The following CCDC91 variants were observed in gnomAD, a reference collection of about 807,000 sequenced individuals.
CCDC91 encodes coiled-coil domain-containing protein 91.
In CCDC91, 48 loss-of-function variants were observed where a neutral mutation model predicts 63.2. The ratio of observed to expected loss-of-function variants is 0.76; its 90% confidence interval spans 0.60 to 0.97. CCDC91 has a LOEUF of 0.97. CCDC91 is among the 50% of genes least tolerant of loss of function. The probability of loss-of-function intolerance (pLI) is 0.00; values close to 1 mark genes in which losing one functional copy is unlikely to be tolerated. For synonymous variants in CCDC91, 167 were observed against 165.8 expected, an observed-to-expected ratio of 1.01 and a Z score of -0.06; for missense variants, 500 against 494.6, an observed-to-expected ratio of 1.01 and a Z score of -0.10.
intron 2 of CCDC91, among the ~76,000 whole-genome samples, chr12:28,258,045 A>G (rs1946563391): frequency 6.6e-6 from 1 of 151,912 alleles, no homozygotes; most frequent in South Asian, 2.1e-4. Context: ...TGTTAAGTAT[A>G]TATTCAGTGT....
At chr12:28,327,141 A>C (rs1941087047) in intron 6 of CCDC91, among the ~76,000 whole-genome samples, 1 of 147,118 alleles carries the variant, frequency 6.8e-6, no homozygotes, top group Non-Finnish European at 1.5e-5. Flanking sequence ...AGTTAAAAAG[A>C]AATTATTTAG....
intron 1 of CCDC91, among the ~76,000 whole-genome samples, chr12:28,204,163 T>TA (rs1376021761): frequency 6.6e-6 from 1 of 152,184 alleles, no homozygotes; most frequent in Admixed American, 6.5e-5. Flanking sequence ...TCCAGTGCTG[T>TA]AGAAGAGAGT....
At chr12:28,444,747 G>A (rs1445814674) in intron 8 of CCDC91, among the ~76,000 whole-genome samples, 1 of 152,104 alleles carries the variant, frequency 6.6e-6, no homozygotes, top group Admixed American at 6.6e-5. Context: ...TAGTACTTTG[G>A]TGATGAAATA....
At chr12:28,322,974 A>G (rs1471863265) in intron 6 of CCDC91, among the ~76,000 whole-genome samples, 1 of 151,152 alleles carries the variant, frequency 6.6e-6, no homozygotes, top group Non-Finnish European at 1.5e-5. Context: ...TTTTTCCCCT[A>G]CATTTCCTGT....
At chr12:28,332,467 A>G (rs1941591958) in intron 6 of CCDC91, among the ~76,000 whole-genome samples, 1 of 152,232 alleles carries the variant, frequency 6.6e-6, no homozygotes, top group South Asian at 2.1e-4. Flanking sequence ...ATTATTTTTA[A>G]AAAGATGATT....
intron 11 of CCDC91, among the ~76,000 whole-genome samples, chr12:28,471,673 G>T (rs944094537): frequency 6.7e-6 from 1 of 149,408 alleles, no homozygotes; most frequent in Non-Finnish European, 1.5e-5. Context: ...AACTAGGAGA[G>T]AATTTGGGCA....
At chr12:28,204,276 GTTTTA>G (rs1245647690) in intron 1 of CCDC91, among the ~76,000 whole-genome samples, 2 of 152,080 alleles carry the variant, frequency 1.3e-5, no homozygotes, top group Non-Finnish European at 1.5e-5. Context: ...GAGTTTTTGT[GTTTTA>G]TTTAATTTAT....
chr12:28,279,918 C>T (rs1403274659), intron 3 of CCDC91, among the ~76,000 whole-genome samples: 1 of 151,974 alleles, frequency 6.6e-6, no homozygotes, highest in Non-Finnish European at 1.5e-5. Context: ...TTTGTTTATG[C>T]AGTCGGGTGT....
At chr12:28,509,486 A>G (rs1340324757) in intron 12 of CCDC91, among the ~76,000 whole-genome samples, 2 of 151,912 alleles carry the variant, frequency 1.3e-5, no homozygotes, top group Admixed American at 6.6e-5. Context: ...GGGAAATGCT[A>G]GTCTCTAGGT....
At chr12:28,515,545 C>G (rs1939848555) in intron 12 of CCDC91, among the ~76,000 whole-genome samples, 1 of 151,746 alleles carries the variant, frequency 6.6e-6, no homozygotes, top group South Asian at 2.1e-4. Flanking sequence ...TGGATTTAAA[C>G]TTAAGAAAAG....
intron 1 of CCDC91, among the ~76,000 whole-genome samples, chr12:28,209,300 G>T (rs1250459524): frequency 6.6e-6 from 1 of 152,108 alleles, no homozygotes; most frequent in Non-Finnish European, 1.5e-5. Context: ...GAAAGAGAAG[G>T]TTAGTGCTTT....
intron 12 of CCDC91, among the ~76,000 whole-genome samples, chr12:28,489,181 C>T (rs994483860): frequency 1.3e-5 from 2 of 151,850 alleles, no homozygotes; most frequent in Non-Finnish European, 2.9e-5. Context: ...AATTTTTATT[C>T]GCTTCTTATG....
intron 1 of CCDC91, among the ~76,000 whole-genome samples, chr12:28,243,959 C>T (rs556732456): frequency 1.3e-4 from 20 of 152,314 alleles, no homozygotes; most frequent in African/African-American, 4.8e-4. Flanking sequence ...CAAATGAAGA[C>T]ACCAAAACAG....
At chr12:28,414,572 C>G (rs1221494976) in intron 8 of CCDC91, among the ~76,000 whole-genome samples, 2 of 152,104 alleles carry the variant, frequency 1.3e-5, no homozygotes, top group Admixed American at 1.3e-4. Context: ...GTGCTTTATG[C>G]CTGGTCTCCT....
intron 1 of CCDC91, among the ~76,000 whole-genome samples, chr12:28,220,712 A>G (rs1276389349): frequency 4.6e-5 from 7 of 152,082 alleles, no homozygotes; most frequent in Non-Finnish European, 1.0e-4. Flanking sequence ...TGGGCAAAGA[A>G]GTCTATACTG....
chr12:28,489,860 A>G (rs1444043587), intron 12 of CCDC91, among the ~76,000 whole-genome samples: 1 of 151,918 alleles, frequency 6.6e-6, no homozygotes, highest in Non-Finnish European at 1.5e-5. Context: ...TGTTCTGACC[A>G]GTTACACAGT....
chr12:28,268,184 C>T (rs1329473977), intron 3 of CCDC91, among the ~76,000 whole-genome samples: 1 of 151,176 alleles, frequency 6.6e-6, no homozygotes, highest in East Asian at 1.9e-4. Context: ...CTGCCTCAGC[C>T]TCCTGAGTAG....
chr12:28,382,507 T>C (rs1192981310), intron 7 of CCDC91, among the ~76,000 whole-genome samples: 2 of 152,068 alleles, frequency 1.3e-5, no homozygotes, highest in African/African-American at 4.8e-5. Context: ...GCCTTCATCA[T>C]TGGGAGAGAA....
chr12:28,508,996 C>T (rs557049756), intron 12 of CCDC91, among the ~76,000 whole-genome samples: 6 of 152,094 alleles, frequency 3.9e-5, no homozygotes, highest in African/African-American at 1.2e-4. Flanking sequence ...TTCCATCATT[C>T]TGTTAGGCCA....
Sources: gnomAD v4.1 joint callset for allele counts (sites outside exome capture counted in the v4.1 genomes callset) on GRCh38, gnomAD v4.1.1 for gene constraint, MANE v1.5 for transcripts, NCBI Gene and HGNC (gene_info 2026-07-23, HGNC 2026-07-21) for gene names.